Variants in CHRM3 observed in about 807,000 individuals in gnomAD.
CHRM3 encodes the protein cholinergic receptor muscarinic 3, also known as muscarinic acetylcholine receptor M3.
In CHRM3, 11 loss-of-function variants were observed where a neutral mutation model predicts 41.8. That is an observed-to-expected ratio of 0.26 (90% CI 0.17 to 0.44). The LOEUF is 0.44. Among genes scored for constraint, CHRM3 ranks in the 20% least tolerant of loss-of-function variants. The pLI is 1.00. For synonymous variants in CHRM3, 297 were observed against 301.4 expected (o/e 0.99, Z 0.15); for missense variants, 571 against 745.4 (o/e 0.77, Z 2.72).
chr1:239,430,276 C>G (rs377044746), intron 1 of CHRM3, among the ~76,000 whole-genome samples: 1 of 152,088 alleles, frequency 6.6e-6, no homozygotes, highest in East Asian at 1.9e-4. Flanking sequence ...CCCAGACAAT[C>G]TTTTAAATAT....
chr1:239,587,239 G>A (rs894526162), intron 3 of CHRM3, among the ~76,000 whole-genome samples: 6 of 152,168 alleles, frequency 3.9e-5, no homozygotes, highest in Admixed American at 3.9e-4. Context: ...GCAGATCCAC[G>A]TACTTGCCAC....
chr1:239,742,798 T>C (rs1664972248), intron 5 of CHRM3, among the ~76,000 whole-genome samples: 2 of 152,230 alleles, frequency 1.3e-5, no homozygotes, highest in African/African-American at 4.8e-5. Flanking sequence ...AACAAGAGCC[T>C]GGTGTCATTT....
At chr1:239,640,337 A>C (rs1312627245) in intron 4 of CHRM3, among the ~76,000 whole-genome samples, 1 of 152,156 alleles carries the variant, frequency 6.6e-6, no homozygotes, top group Admixed American at 6.5e-5. Context: ...TTCAGAAGGA[A>C]TGGTACCAGT....
At chr1:239,516,272 A>T (rs12088138) in intron 2 of CHRM3, among the ~76,000 whole-genome samples, 4,953 of 151,584 alleles carry the variant, frequency 0.033, 117 homozygotes, top group African/African-American at 0.056. Flanking sequence ...AAAGAGCTGT[A>T]TGTTAAGAAA....
At chr1:239,706,475 C>G (rs1661172949) in intron 5 of CHRM3, 1 of 152,322 alleles carries the variant, frequency 6.6e-6, no homozygotes, top group Admixed American at 6.5e-5. Context: ...CTCCATTTCA[C>G]CAACTTCTTG....
At chr1:239,390,969 T>C (rs1175345147) in intron 1 of CHRM3, among the ~76,000 whole-genome samples, 1 of 152,134 alleles carries the variant, frequency 6.6e-6, no homozygotes, top group Non-Finnish European at 1.5e-5. Flanking sequence ...AGACCCCATC[T>C]CTACAAAAAG....
At chr1:239,445,243 A>C (rs1572329816) in intron 1 of CHRM3, among the ~76,000 whole-genome samples, 1 of 152,172 alleles carries the variant, frequency 6.6e-6, no homozygotes, top group African/African-American at 2.4e-5. Context: ...AATGGCTAGG[A>C]GTGATTGAGC....
At chr1:239,505,551 T>C (rs1261334483) in intron 2 of CHRM3, among the ~76,000 whole-genome samples, 2 of 152,224 alleles carry the variant, frequency 1.3e-5, no homozygotes, top group East Asian at 3.8e-4. Flanking sequence ...ATTGTGATTC[T>C]TTCCCCACCA....
chr1:239,690,252 G>C (rs998969185), intron 5 of CHRM3, among the ~76,000 whole-genome samples: 3 of 151,948 alleles, frequency 2.0e-5, no homozygotes, highest in Non-Finnish European at 4.4e-5. Context: ...TTTAGAGACA[G>C]AGTCTCTCTG....
chr1:239,808,285 T>C (rs1670824830), intron 5 of CHRM3, among the ~76,000 whole-genome samples: 1 of 152,142 alleles, frequency 6.6e-6, no homozygotes, highest in South Asian at 2.1e-4. Context: ...GTATGTGACC[T>C]TCAGGCAGAG....
At chr1:239,690,274 G>T (rs1241983487) in intron 5 of CHRM3, among the ~76,000 whole-genome samples, 1 of 151,956 alleles carries the variant, frequency 6.6e-6, no homozygotes, top group Non-Finnish European at 1.5e-5. Flanking sequence ...CACCAGGCTG[G>T]AGTGACGGGA....
chr1:239,820,576 A>C lies in CHRM3; in HGVS notation c.-146-6676A>C, dbSNP rs373889237. The stretch of plus-strand genomic sequence containing the variant: ...AATCTCATCCTATGCTTCGGGAGAG[A>C]TGTTGATGGGGGGAGAAAGGTGATT... On this transcript the variant is annotated intron_variant, in intron 5 of 6. Transcript: ENST00000676153. Among the ~76,000 whole-genome samples, 3 of 152,186 alleles carry C rather than the reference A, an allele frequency of 2.0e-5. No homozygotes were observed. In the South Asian group the frequency reaches 6.2e-4, roughly 32 times the overall value.
At chr1:239,420,012 A>C (rs2103093877) in intron 1 of CHRM3, among the ~76,000 whole-genome samples, 1 of 152,320 alleles carries the variant, frequency 6.6e-6, no homozygotes, top group South Asian at 2.1e-4. Flanking sequence ...TCTATTTAGT[A>C]ATTAGGCTAA....
chr1:239,438,675 GA>G (rs1347940110), intron 1 of CHRM3, among the ~76,000 whole-genome samples: 1 of 152,118 alleles, frequency 6.6e-6, no homozygotes, highest in African/African-American at 2.4e-5. Context: ...AAAGATTTAA[GA>G]GCTCTATCTG....
intron 1 of CHRM3, among the ~76,000 whole-genome samples, chr1:239,477,797 G>A (rs1558252326): frequency 6.6e-6 from 1 of 152,302 alleles, no homozygotes; most frequent in East Asian, 1.9e-4. Context: ...GTGCAAAGCA[G>A]AAGAGTCCAA....
At chr1:239,804,770 C>T (rs984481083) in intron 5 of CHRM3, among the ~76,000 whole-genome samples, 2 of 152,156 alleles carry the variant, frequency 1.3e-5, no homozygotes, top group African/African-American at 4.8e-5. Context: ...AATTATGATT[C>T]TTCAAAATCT....
chr1:239,909,393 GA>G lies in CHRM3; in HGVS notation c.*174del, dbSNP rs1418802800. Reference sequence around the variant, plus strand: ...TCCATTGAATAAACCCATTTTAATAGAAAAAGTCAATACCAATTCAGCAAAA... The same window carrying G: ...TCCATTGAATAAACCCATTTTAATAGAAAAGTCAATACCAATTCAGCAAAA... On this transcript the variant is annotated 3_prime_UTR_variant, in exon 7 of 7. Coordinates refer to ENST00000676153, the MANE Select transcript of CHRM3 (RefSeq NM_001375978.1). The G allele has an allele frequency of 3.8e-6, 2 of 520,812 alleles. No individual in the cohort carries two copies. The highest frequency in any genetic ancestry group is 8.0e-5 in the Admixed American group (2 of 25,046). The allele number at this position is 520,812 out of a possible 1,614,324, so 32.3% of individuals were successfully genotyped here.
chr1:239,576,577 C>T (rs1662365610), intron 3 of CHRM3, among the ~76,000 whole-genome samples: 1 of 115,926 alleles, frequency 8.6e-6, no homozygotes, highest in Non-Finnish European at 1.9e-5. Flanking sequence ...ATCATCTCTA[C>T]ACACACACAC....
At chr1:239,551,144 CT>C (rs1157407521) in intron 3 of CHRM3, among the ~76,000 whole-genome samples, 1,546 of 60,268 alleles carry the variant, frequency 0.026, 6 homozygotes, top group Middle Eastern at 0.034. Flanking sequence ...TGTTACCATT[CT>C]TTTTTTTTTT....
Sources: allele counts gnomAD v4.1 joint callset (sites outside exome capture counted in the v4.1 genomes callset), GRCh38; gene constraint gnomAD v4.1.1; transcripts MANE v1.5; gene names NCBI Gene and HGNC (gene_info 2026-07-23, HGNC 2026-07-21).